The following WDR64 variants were observed in gnomAD, a reference collection of about 807,000 sequenced individuals.
The protein encoded by WDR64 is WD repeat domain 64, also known as WD repeat-containing protein 64.
A neutral mutation model predicts 139.3 loss-of-function variants in WDR64; 112 were observed. The observed-to-expected ratio is 0.80, with a 90% CI of 0.69 to 0.94. WDR64 has a LOEUF of 0.94. Ranked by LOEUF, WDR64 falls within the 40% of genes least tolerant of loss-of-function variation. The pLI is 0.00. For synonymous variants in WDR64, 444 were observed against 437.7 expected, an observed-to-expected ratio of 1.01 and a Z score of -0.18; for missense variants, 1,206 against 1,293.1, an observed-to-expected ratio of 0.93 and a Z score of 1.03.
chr1:241,766,030 A>G (rs1450769030), intron 15 of WDR64, among the ~76,000 whole-genome samples, 188 bp from the exon 16 acceptor site: 2 of 152,326 alleles, frequency 1.3e-5, no homozygotes, highest in Non-Finnish European at 1.5e-5. Flanking sequence ...GATCTAATGA[A>G]TTCTGCCAGT....
intron 8 of WDR64, among the ~76,000 whole-genome samples, chr1:241,704,049 A>G (rs1667841393): frequency 6.6e-6 from 1 of 152,212 alleles, no homozygotes; most frequent in East Asian, 1.9e-4. Flanking sequence ...CACAAAGCCT[A>G]ACCATATCAC....
At chr1:241,752,097 A>G (rs565175888) in intron 14 of WDR64, among the ~76,000 whole-genome samples, 1 of 152,198 alleles carries the variant, frequency 6.6e-6, no homozygotes, top group African/African-American at 2.4e-5. Context: ...TTATGAATCT[A>G]CTCATATAGC....
chr1:241,777,879 T>C (rs974011018), intron 21 of WDR64, among the ~76,000 whole-genome samples: 3 of 152,208 alleles, frequency 2.0e-5, no homozygotes, highest in African/African-American at 7.2e-5. Context: ...TCTGAAAACA[T>C]ACATTGTATG....
At chr1:241,662,689 T>C (rs1665875401) in intron 2 of WDR64, among the ~76,000 whole-genome samples, 1 of 152,198 alleles carries the variant, frequency 6.6e-6, no homozygotes, top group African/African-American at 2.4e-5. Flanking sequence ...GTGTGACTTG[T>C]GTGTCTGGGA....
chr1:241,672,381 G>T (rs775694312), intron 3 of WDR64, among the ~76,000 whole-genome samples: 1 of 152,180 alleles, frequency 6.6e-6, no homozygotes, highest in African/African-American at 2.4e-5. Context: ...CTAAGGAGGG[G>T]CCCCAGAGCA....
At chr1:241,685,109 G>A (rs1165430341) in intron 7 of WDR64, among the ~76,000 whole-genome samples, 6 of 151,094 alleles carry the variant, frequency 4.0e-5, no homozygotes, top group Admixed American at 6.6e-5. Flanking sequence ...AAGGGGAATG[G>A]TTACTTTAGA....
chr1:241,795,367 A>G (rs1558528386), intron 26 of WDR64, 80 bp downstream of exon 26: 2 of 1,316,826 alleles, frequency 1.5e-6, no homozygotes, highest in Non-Finnish European at 1.1e-6. Context: ...TGGGCTACCA[A>G]GCAAGGTTGG....
At chr1:241,773,709 G>T (rs12760448) in intron 20 of WDR64, among the ~76,000 whole-genome samples, 63,763 of 151,940 alleles carry the variant, frequency 0.42, 14,867 homozygotes, top group Middle Eastern at 0.64. Flanking sequence ...CTCGTGATCC[G>T]CCAGCCTCGG....
chr1:241,791,184 G>C (rs890814569), intron 25 of WDR64, among the ~76,000 whole-genome samples: 3 of 152,138 alleles, frequency 2.0e-5, no homozygotes, highest in African/African-American at 7.2e-5. Context: ...TACTCAGGAG[G>C]CTGAGGCATG....
intron 2 of WDR64, among the ~76,000 whole-genome samples, chr1:241,662,685 C>T (rs1665874885): frequency 6.6e-6 from 1 of 152,124 alleles, no homozygotes; most frequent in African/African-American, 2.4e-5. Context: ...AAAAGTGTGA[C>T]TTGTGTGTCT....
intron 14 of WDR64, among the ~76,000 whole-genome samples, chr1:241,754,257 A>T (rs940754721): frequency 5.3e-5 from 8 of 150,326 alleles, no homozygotes; most frequent in African/African-American, 2.0e-4. Flanking sequence ...CTTTTTTTAT[A>T]TACTTTGAGG....
intron 6 of WDR64, among the ~76,000 whole-genome samples, chr1:241,682,452 T>C (rs1283583237): frequency 1.3e-5 from 2 of 152,246 alleles, no homozygotes; most frequent in African/African-American, 2.4e-5. Flanking sequence ...TTTGGATTTA[T>C]TTCTGAGTTC....
In WDR64 at chr1:241,736,979, C is replaced by A. The variant is rs185858472; in HGVS notation, c.1195-1384C>A. Among the ~76,000 whole-genome samples the A allele has an allele frequency of 6.3e-4, 96 of 152,282 alleles. 2 individuals carry two copies. In the Middle Eastern group the frequency reaches 0.01, roughly 16 times the overall value. On this transcript the variant is annotated intron_variant, in intron 10 of 27. Coordinates refer to ENST00000437684, the MANE Select transcript of WDR64 (RefSeq NM_001367482.1). ...ACTGCCCACCATGAACATACCTTAG[C>A]CAAGGCAATAAAATAAAAAACAGTT... is the stretch of plus-strand genomic sequence containing the variant.
At chr1:241,728,946 G>A (rs1419478380) in intron 10 of WDR64, among the ~76,000 whole-genome samples, 1 of 151,966 alleles carries the variant, frequency 6.6e-6, no homozygotes, top group Non-Finnish European at 1.5e-5. Flanking sequence ...GTAGAAACCT[G>A]AGAAAAGGCA....
In WDR64 at chr1:241,738,621, AG is replaced by A. The variant is rs1396400056; in HGVS notation, c.1321+133del. Reference sequence around the variant, plus strand: ...AATTTATCAAACCATGATTCGTGACAGTAGATATTTAATTCAATTCTGCTCT... The same window carrying A: ...AATTTATCAAACCATGATTCGTGACATAGATATTTAATTCAATTCTGCTCT... On this transcript the variant is annotated intron_variant, in intron 11 of 27. Coordinates refer to ENST00000437684, the MANE Select transcript of WDR64 (RefSeq NM_001367482.1). The A allele has an allele frequency of 3.7e-5, 36 of 961,104 alleles. No homozygotes were observed. In the African/African-American group the frequency reaches 5.6e-4, roughly 15 times the overall value. The allele number at this position is 961,104 out of a possible 1,614,324, so 59.5% of individuals were successfully genotyped here.
chr1:241,674,929 C>CTTCT (rs1666423842), intron 4 of WDR64, among the ~76,000 whole-genome samples, 182 bp downstream of exon 4: 1 of 35,332 alleles, frequency 2.8e-5, no homozygotes, highest in Non-Finnish European at 7.9e-5. Flanking sequence ...TCCTTCTTTC[C>CTTCT]TTCCTCCCTC....
chr1:241,710,580 T>A (rs1429942380), intron 8 of WDR64, among the ~76,000 whole-genome samples: 2 of 152,132 alleles, frequency 1.3e-5, no homozygotes, highest in African/African-American at 2.4e-5. Flanking sequence ...AAGTTACATT[T>A]AAGCTGACAC....
chr1:241,779,468 C>T (rs1340739692), intron 21 of WDR64, among the ~76,000 whole-genome samples: 1 of 152,096 alleles, frequency 6.6e-6, no homozygotes, highest in African/African-American at 2.4e-5. Context: ...TAAAAGAACT[C>T]TAAGTGGGTG....
At chr1:241,791,526 C>T (rs1419833767) in intron 25 of WDR64, among the ~76,000 whole-genome samples, 4 of 151,908 alleles carry the variant, frequency 2.6e-5, no homozygotes, top group Non-Finnish European at 5.9e-5. Flanking sequence ...TTAAAAGTAG[C>T]GGGGCATGGT....
Sources: gnomAD v4.1 joint callset for allele counts (sites outside exome capture counted in the v4.1 genomes callset) on GRCh38, gnomAD v4.1.1 for gene constraint, MANE v1.5 for transcripts, NCBI Gene and HGNC (gene_info 2026-07-23, HGNC 2026-07-21) for gene names.